Variants in PTPRT observed in about 807,000 individuals in gnomAD.
PTPRT encodes the protein receptor-type tyrosine-protein phosphatase T.
In PTPRT, 56 loss-of-function variants were observed where a neutral mutation model predicts 176.8. The observed-to-expected ratio is 0.32, with a 90% CI of 0.26 to 0.40. PTPRT has a LOEUF of 0.40. Among genes scored for constraint, PTPRT ranks in the 10% least tolerant of loss-of-function variants. The probability of loss-of-function intolerance (pLI) is 1.00; values close to 1 mark genes in which losing one functional copy is unlikely to be tolerated. For synonymous variants in PTPRT, 783 were observed against 739.0 expected (o/e 1.06, Z -0.96); for missense variants, 1,540 against 1,908.2 (o/e 0.81, Z 3.60).
chr20:43,075,777 G>C (rs2011258651), intron 1 of PTPRT, among the ~76,000 whole-genome samples: 1 of 152,140 alleles, frequency 6.6e-6, no homozygotes, highest in African/African-American at 2.4e-5. Context: ...TTAGAATTTG[G>C]AATAAAAATA....
At chr20:42,780,070 A>T in intron 4 of PTPRT, 148 bp downstream of exon 4, 1 of 706,848 alleles carries the variant, frequency 1.4e-6, no homozygotes, top group Admixed American at 2.3e-5. Flanking sequence ...GACTGATTGC[A>T]TTGAGTATGT....
chr20:43,189,855 G>A lies in PTPRT; in HGVS notation c.-122C>T. On this transcript the variant is annotated 5_prime_UTR_variant, in exon 1 of 31. Coordinates refer to ENST00000373187, the MANE Select transcript of PTPRT (RefSeq NM_007050.6). The surrounding 1 kb of genome is among the most constrained non-coding windows in gnomAD (Gnocchi z 5.0). Reference sequence around the variant, plus strand: ...GCTGTGCGCGCGGCTGGCTCCGCTCGGGCTCCCGGAGCCGGCGCTCCTGCG... The same window carrying A: ...GCTGTGCGCGCGGCTGGCTCCGCTCAGGCTCCCGGAGCCGGCGCTCCTGCG... The A allele has an allele frequency of 2.9e-6, 1 of 340,730 alleles. No homozygotes were observed. The highest frequency in any genetic ancestry group is 4.1e-6 in the Non-Finnish European group (1 of 241,488). 21.1% of individuals were successfully genotyped at this position (340,730 alleles called of 1,614,324 possible). A position where few individuals can be genotyped will look rare whatever the true frequency, so the allele number is the denominator to read the frequency against.
intron 2 of PTPRT, among the ~76,000 whole-genome samples, chr20:42,808,936 G>A (rs945438823): frequency 2.8e-4 from 43 of 152,296 alleles, no homozygotes; most frequent in Non-Finnish European, 1.2e-4. Flanking sequence ...GAGGCTCACT[G>A]TTCTCTGGTT....
chr20:42,798,760 T>A (rs938739582), intron 2 of PTPRT, among the ~76,000 whole-genome samples: 5 of 152,086 alleles, frequency 3.3e-5, no homozygotes, highest in African/African-American at 1.2e-4. Flanking sequence ...TAAGTTGGGG[T>A]TTCAGCATTT....
chr20:42,672,782 T>G (rs1251703443), intron 7 of PTPRT, among the ~76,000 whole-genome samples: 3 of 152,142 alleles, frequency 2.0e-5, no homozygotes, highest in African/African-American at 7.2e-5. Context: ...AGAATTTTCT[T>G]AATCAGTGAC....
At chr20:42,507,686 C>T (rs2071871808) in intron 7 of PTPRT, among the ~76,000 whole-genome samples, 1 of 152,072 alleles carries the variant, frequency 6.6e-6, no homozygotes. Flanking sequence ...TTGTTCCTTT[C>T]TCTCTAGACC....
rs117631305 is a variant in PTPRT, at chr20:42,887,350, C to T, written c.89-1418G>A. Among the ~76,000 whole-genome samples the T allele has an allele frequency of 6.0e-3, 918 of 152,258 alleles. 10 individuals are homozygous for T. Among genetic ancestry groups the T allele is most frequent in the Admixed American group, 0.018 (268 of 15,300 alleles). On this transcript the variant is annotated intron_variant, in intron 1 of 30. Coordinates refer to ENST00000373187, the MANE Select transcript of PTPRT (RefSeq NM_007050.6). ...CATGTGAGGACACAAGGAGAAGGTGCCATCAAAGAAGCAGGAGCTGGGCCC... is the reference window on the plus strand; with the variant it reads ...CATGTGAGGACACAAGGAGAAGGTGTCATCAAAGAAGCAGGAGCTGGGCCC...
intron 2 of PTPRT, among the ~76,000 whole-genome samples, chr20:42,876,794 C>CCTGGGACCAACTTCA (rs2078939391): frequency 6.6e-6 from 1 of 152,022 alleles, no homozygotes; most frequent in Non-Finnish European, 1.5e-5. Context: ...AATTCAGCAA[C>CCTGGGACCAACTTCA]GAGAGGCAGT....
intron 12 of PTPRT, 148 bp from the exon 13 acceptor site, chr20:42,282,673 T>C: frequency 3.1e-6 from 2 of 650,250 alleles, no homozygotes; most frequent in East Asian, 6.1e-5. Flanking sequence ...TCCATTTTTT[T>C]CCCCATCGGA....
chr20:42,990,082 TC>T (rs1200934362), intron 1 of PTPRT, among the ~76,000 whole-genome samples: 1 of 152,172 alleles, frequency 6.6e-6, no homozygotes, highest in Non-Finnish European at 1.5e-5. Context: ...GCACAAAACA[TC>T]TATCATCTTA....
At chr20:42,272,299 T>C (rs1483976048) in intron 13 of PTPRT, among the ~76,000 whole-genome samples, 6 of 152,212 alleles carry the variant, frequency 3.9e-5, no homozygotes, top group African/African-American at 1.4e-4. Flanking sequence ...TGACAAACTT[T>C]AGTATTTGTG....
At chr20:43,026,311 T>C (rs891793381) in intron 1 of PTPRT, among the ~76,000 whole-genome samples, 1 of 152,100 alleles carries the variant, frequency 6.6e-6, no homozygotes, top group Non-Finnish European at 1.5e-5. Flanking sequence ...AGAGACAGGA[T>C]TTTACCATAT....
chr20:42,430,643 C>T (rs1166392056), intron 9 of PTPRT, among the ~76,000 whole-genome samples: 1 of 152,154 alleles, frequency 6.6e-6, no homozygotes. Context: ...TCCCATGGGG[C>T]TTCCAGGACC....
intron 6 of PTPRT, among the ~76,000 whole-genome samples, chr20:42,750,925 C>T (rs1330698532): frequency 6.6e-6 from 1 of 152,172 alleles, no homozygotes; most frequent in Admixed American, 6.5e-5. Context: ...ACAGAGTAAT[C>T]TAATGTATAC....
At chr20:42,350,242 T>C (rs1411921143) in intron 11 of PTPRT, among the ~76,000 whole-genome samples, 4 of 148,120 alleles carry the variant, frequency 2.7e-5, no homozygotes, top group Non-Finnish European at 4.5e-5. Flanking sequence ...TTTTTTTTTT[T>C]TTTTGAGACA....
chr20:42,590,596 G>C (rs1364103797), intron 7 of PTPRT, among the ~76,000 whole-genome samples: 1 of 152,084 alleles, frequency 6.6e-6, no homozygotes, highest in African/African-American at 2.4e-5. Flanking sequence ...AACAAACCAG[G>C]CTTCGGGAAT....
chr20:42,566,051 T>G (rs1197934897), intron 7 of PTPRT, among the ~76,000 whole-genome samples: 1 of 152,244 alleles, frequency 6.6e-6, no homozygotes, highest in East Asian at 1.9e-4. Flanking sequence ...TGGCTATGTG[T>G]GGCTTCAAGA....
At chr20:42,630,022 C>T (rs2074374113) in intron 7 of PTPRT, among the ~76,000 whole-genome samples, 1 of 152,156 alleles carries the variant, frequency 6.6e-6, no homozygotes, top group Non-Finnish European at 1.5e-5. Flanking sequence ...AGGGACTTTG[C>T]AGATATAATT....
chr20:42,361,317 C>T (rs1343709124), intron 9 of PTPRT, among the ~76,000 whole-genome samples: 2 of 152,136 alleles, frequency 1.3e-5, no homozygotes, highest in African/African-American at 2.4e-5. Flanking sequence ...AATTTCTAAA[C>T]CTGTGTAAGT....
Sources: allele counts gnomAD v4.1 joint callset (sites outside exome capture counted in the v4.1 genomes callset), GRCh38; gene constraint gnomAD v4.1.1; non-coding constraint Gnocchi (gnomAD v3.1); transcripts MANE v1.5; gene names NCBI Gene and HGNC (gene_info 2026-07-23, HGNC 2026-07-21).